The following PIGL variants were observed in gnomAD, a reference collection of about 807,000 sequenced individuals.
The protein encoded by PIGL is phosphatidylinositol glycan anchor biosynthesis class L, also known as N-acetylglucosaminyl-phosphatidylinositol de-N-acetylase.
In PIGL, 22 loss-of-function variants were observed where a neutral mutation model predicts 31.1. That is an observed-to-expected ratio of 0.71 (90% CI 0.51 to 1.01). The LOEUF is 1.01. PIGL is among the 50% of genes least tolerant of loss of function. The probability of loss-of-function intolerance (pLI) is 0.00; values close to 1 mark genes in which losing one functional copy is unlikely to be tolerated. For missense variants in PIGL, 302 were observed against 315.9 expected, an observed-to-expected ratio of 0.96 and a Z score of 0.33; for synonymous variants, 131 against 117.4, an observed-to-expected ratio of 1.12 and a Z score of -0.75.
intron 2 of PIGL, among the ~76,000 whole-genome samples, chr17:16,289,563 A>T (rs552894249): frequency 2.6e-5 from 4 of 152,242 alleles, no homozygotes; most frequent in Non-Finnish European, 5.9e-5. Flanking sequence ...TTAAAATTGC[A>T]GTAAAAGTCA....
At chr17:16,259,481 A>G (rs1347944828) in intron 2 of PIGL, among the ~76,000 whole-genome samples, 1 of 152,042 alleles carries the variant, frequency 6.6e-6, no homozygotes, top group Non-Finnish European at 1.5e-5. Flanking sequence ...AGAACAGCCA[A>G]GGCAACAGAG....
At chr17:16,252,993 G>A (rs1040581348) in intron 2 of PIGL, among the ~76,000 whole-genome samples, 3 of 152,100 alleles carry the variant, frequency 2.0e-5, no homozygotes, top group Middle Eastern at 3.2e-3. Context: ...CGAGGTGGGC[G>A]GATGACCTGA....
chr17:16,235,435 C>CTTTTT (rs903174807), intron 2 of PIGL, among the ~76,000 whole-genome samples: 6 of 90,924 alleles, frequency 6.6e-5, no homozygotes, highest in African/African-American at 9.8e-5. Flanking sequence ...TGTCTACGTT[C>CTTTTT]TTTTTTTTTT....
chr17:16,307,631 T>A (rs750509413), intron 3 of PIGL, among the ~76,000 whole-genome samples: 1 of 152,108 alleles, frequency 6.6e-6, no homozygotes, highest in Non-Finnish European at 1.5e-5. Flanking sequence ...AAGTGCTCAG[T>A]AATGTCATTA....
chr17:16,253,623 C>A (rs1014010175), intron 2 of PIGL, among the ~76,000 whole-genome samples: 1 of 152,050 alleles, frequency 6.6e-6, no homozygotes, highest in Non-Finnish European at 1.5e-5. Flanking sequence ...TGTTTATACA[C>A]ATATCACCTC....
chr17:16,294,473 C>T (rs2092973188), intron 2 of PIGL, among the ~76,000 whole-genome samples: 1 of 152,106 alleles, frequency 6.6e-6, no homozygotes, highest in Non-Finnish European at 1.5e-5. Context: ...CTCCCCGCTG[C>T]CCTCTATAAC....
At chr17:16,269,119 T>A (rs1320471339) in intron 2 of PIGL, among the ~76,000 whole-genome samples, 1 of 152,218 alleles carries the variant, frequency 6.6e-6, no homozygotes, top group Non-Finnish European at 1.5e-5. Flanking sequence ...ACTTGTTAAA[T>A]TCTCTAGGAG....
chr17:16,270,942 C>T (rs2092869369), intron 2 of PIGL, among the ~76,000 whole-genome samples: 1 of 151,692 alleles, frequency 6.6e-6, no homozygotes, highest in Non-Finnish European at 1.5e-5. Flanking sequence ...CCCTTGGACT[C>T]ATTTCCAGTG....
intron 2 of PIGL, among the ~76,000 whole-genome samples, chr17:16,291,413 A>C (rs1231896668): frequency 8.0e-5 from 12 of 150,796 alleles, no homozygotes; most frequent in Non-Finnish European, 1.5e-4. Context: ...AGGCTGAAGT[A>C]GGAGAATCGC....
intron 2 of PIGL, chr17:16,279,886 G>C (rs1295411316): frequency 6.6e-6 from 1 of 152,242 alleles, no homozygotes; most frequent in Non-Finnish European, 1.5e-5. Context: ...CTGTGATTCT[G>C]GGTTGACCTT....
intron 2 of PIGL, chr17:16,281,889 A>C: frequency 3.1e-6 from 1 of 323,452 alleles, no homozygotes; most frequent in South Asian, 2.4e-5. Flanking sequence ...CTCCCATCTG[A>C]CATGAAGCAG....
intron 2 of PIGL, among the ~76,000 whole-genome samples, chr17:16,245,779 C>CATAT (rs764855995): frequency 3.4e-5 from 5 of 145,890 alleles, no homozygotes; most frequent in African/African-American, 7.7e-5. Context: ...TACACACACA[C>CATAT]ATATATATAT....
intron 2 of PIGL, among the ~76,000 whole-genome samples, chr17:16,265,481 G>T (rs944761273): frequency 1.3e-5 from 2 of 152,130 alleles, no homozygotes; most frequent in African/African-American, 4.8e-5. Flanking sequence ...GGTGGCTCAT[G>T]CCTGTAATCC....
intron 4 of PIGL, among the ~76,000 whole-genome samples, chr17:16,314,028 G>C (rs186541359): frequency 6.6e-6 from 1 of 152,042 alleles, no homozygotes; most frequent in African/African-American, 2.4e-5. Flanking sequence ...TCTCACTTCC[G>C]TCATGTGTTT....
chr17:16,324,560 T>C (rs1002091650), intron 6 of PIGL, among the ~76,000 whole-genome samples: 2 of 152,116 alleles, frequency 1.3e-5, no homozygotes, highest in South Asian at 2.1e-4. Context: ...AGTTTCTCCA[T>C]GTTGGTCAGG....
At chr17:16,278,526 CTG>C (rs2092904757) in intron 2 of PIGL, among the ~76,000 whole-genome samples, 1 of 152,210 alleles carries the variant, frequency 6.6e-6, no homozygotes, top group Non-Finnish European at 1.5e-5. Context: ...TAAGAAAACT[CTG>C]TTGTGCTTTT....
intron 1 of PIGL, among the ~76,000 whole-genome samples, chr17:16,230,519 T>A (rs899486113): frequency 2.6e-5 from 4 of 152,208 alleles, no homozygotes; most frequent in Admixed American, 2.0e-4. Flanking sequence ...GTCTTCCAAA[T>A]ACATTTTAGA....
At chr17:16,322,012 G>A (rs974259586) in intron 6 of PIGL, among the ~76,000 whole-genome samples, 3 of 152,056 alleles carry the variant, frequency 2.0e-5, no homozygotes, top group Non-Finnish European at 4.4e-5. Context: ...TCGAACTCCC[G>A]ACCTCAGGTG....
At position 16,217,454 on chromosome 17, in the gene PIGL, C is replaced by T; in HGVS notation, c.228C>T (p.Phe76=). ...RLRHWVYLLC[F]SAGNYYNQGE... Reference sequence around the variant, plus strand: ...GGCACTGGGTGTACCTGCTTTGCTTCTCTGCAGGTAGGAGGCCATAGGAGG... The same window carrying T: ...GGCACTGGGTGTACCTGCTTTGCTTTTCTGCAGGTAGGAGGCCATAGGAGG... Residue 76 remains phenylalanine, a synonymous_variant, in exon 1 of 7, where the codon TTC becomes TTT. Coordinates refer to ENST00000225609, the MANE Select transcript of PIGL (RefSeq NM_004278.4). 1.9e-6 allele frequency: 3 copies of T among 1,613,496 alleles called. No individual in the cohort carries two copies. Among genetic ancestry groups the T allele is most frequent in the African/African-American group, 2.7e-5 (2 of 75,058 alleles).
Sources: allele counts gnomAD v4.1 joint callset (sites outside exome capture counted in the v4.1 genomes callset), GRCh38; gene constraint gnomAD v4.1.1; transcripts MANE v1.5; gene names NCBI Gene and HGNC (gene_info 2026-07-23, HGNC 2026-07-21).